Variants in MYO9B observed in about 807,000 individuals in gnomAD.
MYO9B encodes unconventional myosin-IXb.
Under a neutral mutation model 229.5 loss-of-function variants are expected in MYO9B, and 71 were observed. The observed-to-expected ratio is 0.31, with a 90% CI of 0.26 to 0.38. The LOEUF (loss-of-function observed/expected upper bound fraction) is 0.38, where lower values mean the gene tolerates loss of function less well. Among genes scored for constraint, MYO9B ranks in the 10% least tolerant of loss-of-function variants. The pLI, the probability that MYO9B is intolerant of heterozygous loss-of-function variation, is 1.00. For synonymous variants in MYO9B, 1,185 were observed against 1,235.8 expected (o/e 0.96, Z 0.86); for missense variants, 2,255 against 2,920.5 (o/e 0.77, Z 5.25).
intron 22 of MYO9B, among the ~76,000 whole-genome samples, chr19:17,196,741 T>C (rs778155458): frequency 6.7e-6 from 1 of 148,844 alleles, no homozygotes; most frequent in Non-Finnish European, 1.5e-5. Flanking sequence ...CGACGATAGA[T>C]GGATGGAAGG....
intron 9 of MYO9B, among the ~76,000 whole-genome samples, 152 bp from the exon 10 acceptor site, chr19:17,162,836 T>C (rs1001639303): frequency 1.3e-5 from 2 of 152,070 alleles, no homozygotes; most frequent in African/African-American, 2.4e-5. Flanking sequence ...AAAAAAATTA[T>C]GGATTCCATG....
chr19:17,145,552 C>T, intron 3 of MYO9B, 61 bp downstream of exon 3: 1 of 1,355,544 alleles, frequency 7.4e-7, no homozygotes, highest in South Asian at 1.2e-5. Flanking sequence ...TGCTTCCTGA[C>T]ACACACATGG....
At chr19:17,181,753 C>G (rs889201541) in intron 15 of MYO9B, among the ~76,000 whole-genome samples, 2 of 152,158 alleles carry the variant, frequency 1.3e-5, no homozygotes, top group African/African-American at 4.8e-5. Flanking sequence ...TTCTTTCTTT[C>G]TTTCGTTCGT....
intron 2 of MYO9B, among the ~76,000 whole-genome samples, chr19:17,134,309 C>T (rs1311818200): frequency 6.7e-6 from 1 of 148,662 alleles, no homozygotes; most frequent in African/African-American, 2.5e-5. Flanking sequence ...GGCTTATTAA[C>T]ATAGTATCCC....
At chr19:17,126,487 A>G (rs2058020658) in intron 2 of MYO9B, among the ~76,000 whole-genome samples, 2 of 152,136 alleles carry the variant, frequency 1.3e-5, no homozygotes, top group Admixed American at 1.3e-4. Context: ...TTTCACACAG[A>G]TCCTAGGGGC....
chr19:17,201,849 T>C (rs1315699567), intron 26 of MYO9B, 77 bp from the exon 27 acceptor site: 10 of 1,031,038 alleles, frequency 9.7e-6, no homozygotes, highest in Non-Finnish European at 1.2e-5. Flanking sequence ...AGGATAGAAG[T>C]GACCCCTTGG....
chr19:17,090,983 C>T (rs2057632424), intron 1 of MYO9B, among the ~76,000 whole-genome samples: 1 of 152,188 alleles, frequency 6.6e-6, no homozygotes, highest in African/African-American at 2.4e-5. Context: ...ATTTCCAGGT[C>T]CCAGGTCTCC....
chr19:17,106,190 C>T (rs1328490247), intron 2 of MYO9B, among the ~76,000 whole-genome samples: 1 of 152,260 alleles, frequency 6.6e-6, no homozygotes, highest in Non-Finnish European at 1.5e-5. Flanking sequence ...GAGACACAGT[C>T]TTACTATGTT....
At chr19:17,127,009 A>C in intron 2 of MYO9B, among the ~76,000 whole-genome samples, 1 of 109,780 alleles carries the variant, frequency 9.1e-6, no homozygotes, top group African/African-American at 3.7e-5. Context: ...TTTCTCCCCT[A>C]AGCATTTTTT....
chr19:17,195,478 G>T lies in MYO9B; in HGVS notation c.4046+5G>T. 1 of 1,587,232 alleles carries T rather than the reference G, an allele frequency of 6.3e-7. No homozygotes were observed. The highest frequency in any genetic ancestry group is 8.5e-7 in the Non-Finnish European group (1 of 1,173,128). On this transcript the variant is annotated splice_donor_5th_base_variant and intron_variant, in intron 22 of 39. Coordinates refer to ENST00000682292, the MANE Select transcript of MYO9B (RefSeq NM_004145.4). The surrounding 1 kb of genome is among the most constrained non-coding windows in gnomAD (Gnocchi z 4.5). ...GGCCGCCCTCACGCCCACAGAGTAA[G>T]CCCCACACCCTCTTTTGTCTGAGCA...
At chr19:17,106,149 C>G (rs2057791343) in intron 2 of MYO9B, among the ~76,000 whole-genome samples, 1 of 152,094 alleles carries the variant, frequency 6.6e-6, no homozygotes, top group Non-Finnish European at 1.5e-5. Context: ...GTGTGCACCA[C>G]CATGCCCGGC....
intron 14 of MYO9B, 82 bp downstream of exon 14, chr19:17,175,823 T>TG: frequency 1.2e-6 from 1 of 800,916 alleles, no homozygotes; most frequent in Non-Finnish European, 1.8e-6. Flanking sequence ...AATGCTACAT[T>TG]CTTTTTTTTT....
intron 14 of MYO9B, among the ~76,000 whole-genome samples, chr19:17,176,525 A>G (rs922110618): frequency 2.5e-4 from 38 of 152,176 alleles, no homozygotes; most frequent in Non-Finnish European, 1.5e-4. Context: ...CTTCCATTTG[A>G]AACAGAAAGA....
intron 35 of MYO9B, among the ~76,000 whole-genome samples, 168 bp from the exon 36 acceptor site, chr19:17,209,418 A>C (rs2073200308): frequency 6.6e-6 from 1 of 152,208 alleles, no homozygotes; most frequent in Non-Finnish European, 1.5e-5. Flanking sequence ...AGGTAGAGTG[A>C]GCTGCCGAAG....
At chr19:17,120,172 T>C (rs1265736487) in intron 2 of MYO9B, among the ~76,000 whole-genome samples, 1 of 152,150 alleles carries the variant, frequency 6.6e-6, no homozygotes, top group Non-Finnish European at 1.5e-5. Flanking sequence ...AGCAAGGGTC[T>C]TTGTATCATA....
In MYO9B at chr19:17,122,133, CAGCTT is replaced by C. The variant is rs2057971733; in HGVS notation, c.840+19580_840+19584del. Among the ~76,000 whole-genome samples the C allele has an allele frequency of 2.0e-5, 3 of 152,350 alleles. No individual in the cohort carries two copies. The South Asian group carries it at 6.2e-4, about 32-fold the overall frequency. On this transcript the variant is annotated intron_variant, in intron 2 of 39. Transcript: ENST00000682292. The stretch of plus-strand genomic sequence containing the variant: ...TGAGCCTCCACTCAGACTCCCCTCT[CAGCTT>C]AGCCTAAGGCTGGCTCCTCCCATGA...
chr19:17,115,857 C>A (rs976021851), intron 2 of MYO9B, among the ~76,000 whole-genome samples: 13 of 151,778 alleles, frequency 8.6e-5, no homozygotes, highest in Admixed American at 5.3e-4. Flanking sequence ...CAGCCCAGAT[C>A]ACCAGCTGGA....
At position 17,134,939 on chromosome 19, in the gene MYO9B, T is replaced by A. The variant is rs1434874609; in HGVS notation, c.841-10458T>A. On this transcript the variant is annotated intron_variant, in intron 2 of 39. Transcript: ENST00000682292. Reference sequence around the variant, plus strand: ...CCACCACACCCGGCTAATTTTTGTATTTTTAGTAGAGACGGGGTTTCGCCA... The same window carrying A: ...CCACCACACCCGGCTAATTTTTGTAATTTTAGTAGAGACGGGGTTTCGCCA... 6.6e-5 allele frequency among the ~76,000 whole-genome samples: 10 copies of A among 151,818 alleles called. No homozygotes were observed. The East Asian group carries it at 7.8e-4, about 12-fold the overall frequency.
chr19:17,147,112 A>C (rs990182005), intron 3 of MYO9B, among the ~76,000 whole-genome samples: 5 of 151,974 alleles, frequency 3.3e-5, no homozygotes, highest in African/African-American at 1.2e-4. Flanking sequence ...TGGCCCCCCA[A>C]CTCCTACCAC....
Sources: gnomAD v4.1 joint callset for allele counts (sites outside exome capture counted in the v4.1 genomes callset) on GRCh38, gnomAD v4.1.1 for gene constraint, Gnocchi (gnomAD v3.1) non-coding constraint, MANE v1.5 for transcripts, NCBI Gene and HGNC (gene_info 2026-07-23, HGNC 2026-07-21) for gene names.